SSH1: variants seen among roughly 807,000 people sequenced by gnomAD.
SSH1 encodes the protein slingshot protein phosphatase 1.
A neutral mutation model predicts 79.7 loss-of-function variants in SSH1; 43 were observed. The observed-to-expected ratio is 0.54, with a 90% confidence interval of 0.42 to 0.70. The LOEUF (loss-of-function observed/expected upper bound fraction) is 0.70, where lower values mean the gene tolerates loss of function less well. SSH1 is among the 30% of genes least tolerant of loss of function. The pLI is 0.00. For synonymous variants in SSH1, 599 were observed against 538.3 expected, an observed-to-expected ratio of 1.11 and a Z score of -1.56; for missense variants, 1,206 against 1,358.8, an observed-to-expected ratio of 0.89 and a Z score of 1.77.
At chr12:108,816,734 G>C (rs1290546620) in intron 5 of SSH1, among the ~76,000 whole-genome samples, 1 of 152,186 alleles carries the variant, frequency 6.6e-6, no homozygotes, top group Non-Finnish European at 1.5e-5. Context: ...CCTCCTTCAG[G>C]AAGCATTTCT....
intron 7 of SSH1, among the ~76,000 whole-genome samples, chr12:108,809,311 G>C (rs2137092028): frequency 6.6e-6 from 1 of 151,750 alleles, no homozygotes; most frequent in South Asian, 2.1e-4. Context: ...AGAAAAGTTA[G>C]CCGGGTGTGG....
rs1592983133 is a variant in SSH1 at position 108,778,741 on chromosome 12, A to ACCT, written c.*9246_*9247insAGG. 6.7e-6 allele frequency: 1 copy of ACCT among 149,784 alleles called. No individual in the cohort carries two copies. Among genetic ancestry groups the ACCT allele is most frequent in the East Asian group, 1.9e-4 (1 of 5,144 alleles). The allele number at this position is 149,784 out of a possible 1,614,324, so 9.3% of individuals were successfully genotyped here. ...AATTTCAAGAGCAAGAGGGAGGTCT[A>ACCT]CCACCACCACCACCACCACCACCAC... On this transcript the variant is annotated 3_prime_UTR_variant, in exon 15 of 15. Coordinates refer to ENST00000326495, the MANE Select transcript of SSH1 (RefSeq NM_018984.4).
In SSH1 at chr12:108,857,384, G is replaced by T; in HGVS notation, c.69+44C>A. 1.0e-6 allele frequency: 1 copy of T among 979,658 alleles called. No individual in the cohort carries two copies. Among genetic ancestry groups the T allele is most frequent in the South Asian group, 4.5e-5 (1 of 22,174 alleles). The allele number at this position is 979,658 out of a possible 1,614,324, so 60.7% of individuals were successfully genotyped here. On this transcript the variant is annotated intron_variant, in intron 1 of 14. Coordinates refer to ENST00000326495, the MANE Select transcript of SSH1 (RefSeq NM_018984.4). This position sits in a 1 kb window ranked among gnomAD's most constrained non-coding sequence, Gnocchi z 4.7. ...GCCCCAGCTCCGGCGGCCTCGGCGC[G>T]GCGTCCGGCGGCCCAGGCCGGGCGC... is the stretch of plus-strand genomic sequence containing the variant.
At chr12:108,819,602 G>T (rs1245015869) in intron 3 of SSH1, among the ~76,000 whole-genome samples, 1 of 152,156 alleles carries the variant, frequency 6.6e-6, no homozygotes, top group Non-Finnish European at 1.5e-5. Context: ...GCCGAGGCAG[G>T]AGACTCACTT....
chr12:108,829,097 A>AG (rs2038407866), intron 2 of SSH1, among the ~76,000 whole-genome samples: 1 of 151,942 alleles, frequency 6.6e-6, no homozygotes, highest in Non-Finnish European at 1.5e-5. Flanking sequence ...GGAGGCTGAG[A>AG]TGGGTGGATC....
At chr12:108,821,491 C>CCA (rs2038117545) in intron 3 of SSH1, among the ~76,000 whole-genome samples, 1 of 151,792 alleles carries the variant, frequency 6.6e-6, no homozygotes, top group African/African-American at 2.4e-5. Context: ...TGATAGTTAC[C>CCA]CATATATATA....
intron 6 of SSH1, among the ~76,000 whole-genome samples, chr12:108,810,817 C>T (rs1369586011): frequency 2.0e-5 from 3 of 152,200 alleles, no homozygotes; most frequent in Admixed American, 6.5e-5. Context: ...TCCTTTGTGG[C>T]CCCCAGGGTG....
intron 12 of SSH1, among the ~76,000 whole-genome samples, chr12:108,799,839 G>A (rs1377576595): frequency 2.6e-5 from 4 of 152,236 alleles, no homozygotes; most frequent in African/African-American, 9.6e-5. Flanking sequence ...TATGGCCCAG[G>A]AGACAGTGTT....
Position 108,787,964 on chromosome 12 carries a change from C to T in SSH1, c.*24G>A. On this transcript the variant is annotated 3_prime_UTR_variant, in exon 15 of 15. Transcript: ENST00000326495. ...GAGGGATCATATGAAAATATCCGCC[C>T]AGCCTGACGCAGCAAAAGGCGGGTC... 6.2e-7 allele frequency: 1 copy of T among 1,614,040 alleles called. No homozygotes were observed.
chr12:108,841,812 C>T (rs574848773), intron 2 of SSH1, among the ~76,000 whole-genome samples: 19 of 145,450 alleles, frequency 1.3e-4, no homozygotes, highest in African/African-American at 4.7e-4. Flanking sequence ...CATCCCCCCC[C>T]ACAAAAAAAA....
At chr12:108,853,361 A>G (rs1340735659) in intron 1 of SSH1, 2 of 984,748 alleles carry the variant, frequency 2.0e-6, no homozygotes, top group Non-Finnish European at 2.4e-6. Flanking sequence ...TCTTTCAGAG[A>G]GCAAACTGAA....
chr12:108,811,485 C>T (rs767590465), intron 5 of SSH1, 157 bp from the exon 6 acceptor site: 9 of 720,078 alleles, frequency 1.2e-5, no homozygotes, highest in Admixed American at 2.0e-5. Context: ...CTAGAAGACA[C>T]AGGTCTGGGA....
chr12:108,818,161 G>A, intron 4 of SSH1, 88 bp downstream of exon 4: 3 of 1,097,602 alleles, frequency 2.7e-6, no homozygotes, highest in South Asian at 2.5e-5. Context: ...TCATGCCACT[G>A]CACTCCAGCC....
Position 108,827,258 on chromosome 12 carries a change from C to T in SSH1, c.111-3897G>A, listed in dbSNP as rs774854177. 2.1e-5 allele frequency: 32 copies of T among 1,545,036 alleles called. No homozygotes were observed. In the East Asian group the frequency reaches 5.7e-4, roughly 27 times the overall value. ...GAAACCAGTAATCAGGGTGGTCATACGTACTAATTTGAGCTGGAAACCTCT... is the reference window on the plus strand; with the variant it reads ...GAAACCAGTAATCAGGGTGGTCATATGTACTAATTTGAGCTGGAAACCTCT... On this transcript the variant is annotated intron_variant, in intron 2 of 14. Coordinates refer to ENST00000326495, the MANE Select transcript of SSH1 (RefSeq NM_018984.4).
At chr12:108,846,679 A>G (rs139029277) in intron 2 of SSH1, among the ~76,000 whole-genome samples, 1 of 152,318 alleles carries the variant, frequency 6.6e-6, no homozygotes, top group East Asian at 1.9e-4. Flanking sequence ...CCAAGTCTGT[A>G]TTCTTATTTG....
chr12:108,828,998 G>A (rs2038404886), intron 2 of SSH1, among the ~76,000 whole-genome samples: 1 of 152,158 alleles, frequency 6.6e-6, no homozygotes, highest in Non-Finnish European at 1.5e-5. Flanking sequence ...GGATAGCATG[G>A]ACAACGCCCA....
In SSH1 at chr12:108,788,272, G is replaced by A. The variant is rs747890486; in HGVS notation, c.2866C>T (p.Gln956Ter). The change falls in exon 15 of 15, where the codon CAG becomes TAG. Residue 956 changes from glutamine to a stop codon, truncating the protein, a stop_gained. Coordinates refer to ENST00000326495, the MANE Select transcript of SSH1 (RefSeq NM_018984.4). LOFTEE classifies it low-confidence loss of function (END_TRUNC). The stretch of plus-strand genomic sequence containing the variant: ...AGCCGGAGCCGGGTCTCAATCTCCT[G>A]TGTCCGCTGCTTCACCAGCCCGGGC... ...GKPGLVKQRTQEIETRLRLAG... is the reference protein window; with the variant it reads ...GKPGLVKQRT The A allele has an allele frequency of 1.9e-6, 3 of 1,613,688 alleles. No homozygotes were observed. Among genetic ancestry groups the A allele is most frequent in the African/African-American group, 1.3e-5 (1 of 74,910 alleles).
chr12:108,828,153 C>T lies in SSH1; in HGVS notation c.111-4792G>A, dbSNP rs544026399. On this transcript the variant is annotated intron_variant, in intron 2 of 14. Coordinates refer to ENST00000326495, the MANE Select transcript of SSH1 (RefSeq NM_018984.4). The stretch of plus-strand genomic sequence containing the variant: ...AAGAAAGGGGCTCGGCTAGGGTTTA[C>T]AAGAGGGAGGAGGGAGCATTTAACT... 3.3e-5 allele frequency among the ~76,000 whole-genome samples: 5 copies of T among 152,280 alleles called. No homozygotes were observed. The South Asian group carries it at 1.0e-3, about 32-fold the overall frequency.
At chr12:108,851,193 T>A (rs2039031788) in intron 2 of SSH1, among the ~76,000 whole-genome samples, 1 of 152,118 alleles carries the variant, frequency 6.6e-6, no homozygotes, top group South Asian at 2.1e-4. Context: ...AAATAAGGAA[T>A]CTCTTTGATT....
Sources: gnomAD v4.1 joint callset for allele counts (sites outside exome capture counted in the v4.1 genomes callset) on GRCh38, gnomAD v4.1.1 for gene constraint, Gnocchi (gnomAD v3.1) non-coding constraint, MANE v1.5 for transcripts, NCBI Gene and HGNC (gene_info 2026-07-23, HGNC 2026-07-21) for gene names.